Variants in ADGRA2 observed in about 807,000 individuals in gnomAD.
ADGRA2 encodes the protein adhesion G protein-coupled receptor A2.
A neutral mutation model predicts 98.7 loss-of-function variants in ADGRA2; 61 were observed. That is an observed-to-expected ratio of 0.62 (90% CI 0.50 to 0.76). The LOEUF is 0.76. Among genes scored for constraint, ADGRA2 ranks in the 30% least tolerant of loss-of-function variants. The probability of loss-of-function intolerance (pLI) is 0.00; values close to 1 mark genes in which losing one functional copy is unlikely to be tolerated. For missense variants in ADGRA2, 1,712 were observed against 1,860.0 expected (o/e 0.92, Z 1.46); for synonymous variants, 858 against 831.5 (o/e 1.03, Z -0.55).
chr8:37,806,520 C>CTTTTTCTTTTTTTTT (rs1804668107), intron 1 of ADGRA2, among the ~76,000 whole-genome samples: 1 of 85,498 alleles, frequency 1.2e-5, no homozygotes, highest in Non-Finnish European at 2.2e-5. Context: ...TTTCTTTTTT[C>CTTTTTCTTTTTTTTT]TTTTTCTTTT....
chr8:37,842,305 A>G lies in ADGRA2; in HGVS notation c.3967A>G (p.Ser1323Gly). 1 of 1,547,618 alleles carries G rather than the reference A, an allele frequency of 6.5e-7. No individual in the cohort carries two copies. Among genetic ancestry groups the G allele is most frequent in the Non-Finnish European group, 8.7e-7 (1 of 1,153,156 alleles). The change falls in exon 19 of 19, where the codon AGC becomes GGC. Residue 1323 changes from serine to glycine, a missense_variant. By Grantham distance (56) the Ser-to-Gly change is moderately conservative. Transcript: ENST00000412232. ...CACCCTGATGGGCGCGGAGGTAGCC[A>G]GCGGCGGCTGCATGAAGACCGGACT... ...DVTLMGAEVASGGCMKTGLWK... is the reference protein window; with the variant it reads ...DVTLMGAEVAGGGCMKTGLWK...
In ADGRA2 at chr8:37,839,577, T is replaced by C. The variant is rs1288026794; in HGVS notation, c.2466T>C (p.Phe822=). ...ACATAGCCATGACCTCTGCTGTCTT[T>C]GCGGGGGGCATCACACTCACCAACT... ...CFHIAMTSAV[F]AGGITLTNYQ... The change falls in exon 16 of 19, where the codon TTT becomes TTC. Residue 822 remains phenylalanine, a synonymous_variant. Transcript: ENST00000412232. 7 of 1,613,986 alleles carry C rather than the reference T, an allele frequency of 4.3e-6. No individual in the cohort carries two copies. The African/African-American group carries it at 9.3e-5, about 22-fold the overall frequency.
In ADGRA2 at chr8:37,831,477, C is replaced by T. The variant is rs752344783; in HGVS notation, c.987C>T (p.Thr329=). Residue 329 remains threonine, a synonymous_variant, in exon 8 of 19, where the codon ACC becomes ACT. Coordinates refer to ENST00000412232, the MANE Select transcript of ADGRA2 (RefSeq NM_032777.10). Reference sequence around the variant, plus strand: ...GGGCCTCAGGCGAGTGGGAGTGCACCGTGTCCATGGCCCAAGGCAACGCCA... The same window carrying T: ...GGGCCTCAGGCGAGTGGGAGTGCACTGTGTCCATGGCCCAAGGCAACGCCA... ...GVWASGEWEC[T]VSMAQGNASK... The T allele has an allele frequency of 1.2e-5, 20 of 1,613,418 alleles. No homozygotes were observed. The highest frequency in any genetic ancestry group is 1.1e-4 in the South Asian group (10 of 91,088).
chr8:37,803,636 G>T (rs979370752), intron 1 of ADGRA2, among the ~76,000 whole-genome samples: 1 of 152,124 alleles, frequency 6.6e-6, no homozygotes, highest in Non-Finnish European at 1.5e-5. Flanking sequence ...TTCAGGACTG[G>T]GTTATGGGGG....
At position 37,828,905 on chromosome 8, in the gene ADGRA2, T is replaced by A; in HGVS notation, c.356T>A (p.Ile119Asn). 1.9e-6 allele frequency: 3 copies of A among 1,597,680 alleles called. No homozygotes were observed. Among genetic ancestry groups the A allele is most frequent in the Non-Finnish European group, 2.6e-6 (3 of 1,173,262 alleles). ...LLEKLDLRNN[I>N]ISTVQPGAFL... ...CTCTGCAGGGACCTGAGGAACAACA[T>A]CATCAGCACAGTGCAGCCGGGCGCC... The change falls in exon 3 of 19, where the codon ATC becomes AAC. Residue 119 changes from isoleucine (I) to asparagine (N), a missense_variant. By Grantham distance (149) the Ile-to-Asn change is moderately radical. Transcript: ENST00000412232.
intron 2 of ADGRA2, among the ~76,000 whole-genome samples, chr8:37,816,151 G>C (rs934709244): frequency 1.5e-4 from 23 of 152,202 alleles, no homozygotes; most frequent in African/African-American, 5.3e-4. Context: ...ATTGGGGTCT[G>C]GGCGTGGTGG....
In ADGRA2 at chr8:37,841,708, A is replaced by G. The variant is rs1308193330; in HGVS notation, c.3370A>G (p.Ser1124Gly). ...CTCCCTCAAGTCCTCCCCAAGCGGCAGCAGCGGCCATCCGCTGGCTCTGGG... is the reference window on the plus strand; with the variant it reads ...CTCCCTCAAGTCCTCCCCAAGCGGCGGCAGCGGCCATCCGCTGGCTCTGGG... ...PPSLKSSPSG[S>G]SGHPLALGPC... The change falls in exon 19 of 19, where the codon AGC (serine) becomes GGC (glycine). Residue 1124 changes from serine to glycine, a missense_variant. Physicochemically the swap from Ser to Gly is moderately conservative, Grantham distance 56. Coordinates refer to ENST00000412232, the MANE Select transcript of ADGRA2 (RefSeq NM_032777.10). This position sits in a 1 kb window ranked among gnomAD's most constrained non-coding sequence, Gnocchi z 5.0. 1 of 1,541,430 alleles carries G rather than the reference A, an allele frequency of 6.5e-7. No individual in the cohort carries two copies. Among genetic ancestry groups the G allele is most frequent in the Admixed American group, 2.0e-5 (1 of 49,980 alleles).
chr8:37,816,795 A>T (rs896210542), intron 2 of ADGRA2, among the ~76,000 whole-genome samples: 2 of 152,064 alleles, frequency 1.3e-5, no homozygotes, highest in African/African-American at 4.8e-5. Flanking sequence ...ATGCGCCTGT[A>T]GTCCCAGCTG....
At chr8:37,825,874 G>C (rs1017811557) in intron 2 of ADGRA2, among the ~76,000 whole-genome samples, 1 of 152,180 alleles carries the variant, frequency 6.6e-6, no homozygotes, top group African/African-American at 2.4e-5. Flanking sequence ...GGGCACTCGT[G>C]GGGGCTGCCT....
chr8:37,809,657 C>T (rs939123121), intron 1 of ADGRA2, among the ~76,000 whole-genome samples: 1 of 152,192 alleles, frequency 6.6e-6, no homozygotes, highest in African/African-American at 2.4e-5. Flanking sequence ...GGCATCAGGA[C>T]CATGTTCTCT....
At chr8:37,807,355 C>T (rs1430623845) in intron 1 of ADGRA2, among the ~76,000 whole-genome samples, 1 of 152,184 alleles carries the variant, frequency 6.6e-6, no homozygotes. Context: ...CTGTGCACGG[C>T]GAGCATCCTC....
chr8:37,814,829 G>A lies in ADGRA2; in HGVS notation c.267-67G>A. The A allele has an allele frequency of 1.7e-6, 2 of 1,184,564 alleles. No individual in the cohort carries two copies. The highest frequency in any genetic ancestry group is 2.5e-6 in the Non-Finnish European group (2 of 789,852). The allele number at this position is 1,184,564 out of a possible 1,614,324, so 73.4% of individuals were successfully genotyped here. Reference sequence around the variant, plus strand: ...ACAAAGATGCAAGCTGGCCCCACCAGTGGTGAAAGCGGATGCCCAGCACAT... The same window carrying A: ...ACAAAGATGCAAGCTGGCCCCACCAATGGTGAAAGCGGATGCCCAGCACAT... On this transcript the variant is annotated intron_variant, in intron 1 of 18. Coordinates refer to ENST00000412232, the MANE Select transcript of ADGRA2 (RefSeq NM_032777.10). The surrounding 1 kb of genome is among the most constrained non-coding windows in gnomAD (Gnocchi z 4.3).
Position 37,824,893 on chromosome 8 carries a change from C to T in ADGRA2, c.339-3995C>T, listed in dbSNP as rs566079028. Among the ~76,000 whole-genome samples the T allele has an allele frequency of 1.3e-4, 20 of 152,222 alleles. No individual in the cohort carries two copies. In the South Asian group the frequency reaches 3.7e-3, roughly 28 times the overall value. On this transcript the variant is annotated intron_variant, in intron 2 of 18. Transcript: ENST00000412232. ...TGCTTTTTCTGAACTTTTATTCATC[C>T]GTTACTCCCTCCTCCTTTCATTGCT... is the stretch of plus-strand genomic sequence containing the variant.
At position 37,811,168 on chromosome 8, in the gene ADGRA2, GT is replaced by G. The variant is rs762992936; in HGVS notation, c.267-3710del. ...ACTTTTATACTGTGTGTGTGTGTGTGTTTTTTTTTTTTTTTTTTGAGACGGA... is the reference window on the plus strand; with the variant it reads ...ACTTTTATACTGTGTGTGTGTGTGTGTTTTTTTTTTTTTTTTTGAGACGGA... On this transcript the variant is annotated intron_variant, in intron 1 of 18. Coordinates refer to ENST00000412232, the MANE Select transcript of ADGRA2 (RefSeq NM_032777.10). Among the ~76,000 whole-genome samples the G allele has an allele frequency of 6.1e-3, 620 of 101,742 alleles. 7 individuals carry two copies. Among genetic ancestry groups the G allele is most frequent in the African/African-American group, 0.022 (566 of 25,384 alleles). 66.7% of individuals were successfully genotyped at this position (101,742 alleles called of 152,430 possible). A position where few individuals can be genotyped will look rare whatever the true frequency, so the allele number is the denominator to read the frequency against.
chr8:37,798,276 T>C (rs1390832972), intron 1 of ADGRA2, among the ~76,000 whole-genome samples: 5 of 152,204 alleles, frequency 3.3e-5, no homozygotes, highest in African/African-American at 9.6e-5. Flanking sequence ...TGTTTCTCCA[T>C]TGACTTCGCG....
At chr8:37,803,230 AC>A (rs1259248663) in intron 1 of ADGRA2, among the ~76,000 whole-genome samples, 1 of 152,196 alleles carries the variant, frequency 6.6e-6, no homozygotes, top group Non-Finnish European at 1.5e-5. Flanking sequence ...AGTTCCAGCC[AC>A]CTCTGAGTTG....
Position 37,841,568 on chromosome 8 carries a change from G to C in ADGRA2, c.3230G>C (p.Arg1077Thr). Residue 1077 changes from arginine to threonine, a missense_variant, in exon 19 of 19, where the codon AGA becomes ACA. Coordinates refer to ENST00000412232, the MANE Select transcript of ADGRA2 (RefSeq NM_032777.10). This position sits in a 1 kb window ranked among gnomAD's most constrained non-coding sequence, Gnocchi z 5.0. ...THHCARRRDV[R>T]ASWRACCPPA... is the part of the protein sequence containing the mutation. ...CACTGTGCCAGGCGGAGGGACGTGA[G>C]AGCCTCGTGGCGCGCCTGCTGCCCC... is the stretch of plus-strand genomic sequence containing the variant. The C allele has an allele frequency of 6.2e-7, 1 of 1,605,762 alleles. No homozygotes were observed. Among genetic ancestry groups the C allele is most frequent in the Non-Finnish European group, 8.5e-7 (1 of 1,177,206 alleles).
rs776971502 is a variant in ADGRA2, at chr8:37,831,521, T to C, written c.1031T>C (p.Val344Ala). ...AACGCCAGCAAGAAGGTGGAGATCG[T>C]GGTGCTGGAGACCTCTGCCTCCTAC... ...QGNASKKVEI[V>A]VLETSASYCP... Residue 344 changes from valine to alanine, a missense_variant, in exon 8 of 19, where the codon GTG becomes GCG. Val to Ala is a moderately conservative substitution (Grantham distance 64). Transcript: ENST00000412232. 12 of 1,613,288 alleles carry C rather than the reference T, an allele frequency of 7.4e-6. No homozygotes were observed. The African/African-American group carries it at 1.5e-4, about 20-fold the overall frequency.
At chr8:37,825,749 C>T (rs777110037) in intron 2 of ADGRA2, among the ~76,000 whole-genome samples, 5 of 152,210 alleles carry the variant, frequency 3.3e-5, no homozygotes, top group African/African-American at 4.8e-5. Context: ...GCATTTCTCC[C>T]GCCCCGAGGG....
Sources: gnomAD v4.1 joint callset for allele counts (sites outside exome capture counted in the v4.1 genomes callset) on GRCh38, gnomAD v4.1.1 for gene constraint, Gnocchi (gnomAD v3.1) non-coding constraint, MANE v1.5 for transcripts, NCBI Gene and HGNC (gene_info 2026-07-23, HGNC 2026-07-21) for gene names.